The following CDH23 variants were observed in gnomAD, a reference collection of about 807,000 sequenced individuals.
CDH23 encodes the protein cadherin-23.
CDH23 carries 189 observed loss-of-function variants against 317.1 expected under a neutral mutation model. The ratio of observed to expected loss-of-function variants is 0.60; its 90% CI spans 0.53 to 0.67. The LOEUF (loss-of-function observed/expected upper bound fraction) is 0.67, where lower values mean the gene tolerates loss of function less well. CDH23 is among the 30% of genes least tolerant of loss of function. The probability of loss-of-function intolerance (pLI) is 0.00; values close to 1 mark genes in which losing one functional copy is unlikely to be tolerated. For synonymous variants in CDH23, 1,839 were observed against 1,876.8 expected (o/e 0.98, Z 0.52); for missense variants, 4,401 against 4,592.4 (o/e 0.96, Z 1.20).
chr10:71,517,648 G>A (rs945583907), intron 6 of CDH23, among the ~76,000 whole-genome samples: 1 of 152,198 alleles, frequency 6.6e-6, no homozygotes, highest in Non-Finnish European at 1.5e-5. Context: ...CATCTCCCAC[G>A]CCAGGAGAGG....
At chr10:71,694,369 A>G in intron 21 of CDH23, 110 bp downstream of exon 21, 1 of 833,898 alleles carries the variant, frequency 1.2e-6, no homozygotes, top group Non-Finnish European at 1.9e-6. Flanking sequence ...GCTTTGTGAG[A>G]ATGAGCAAGG....
At chr10:71,752,917 T>C in intron 38 of CDH23, 3 of 1,591,176 alleles carry the variant, frequency 1.9e-6, no homozygotes, top group Non-Finnish European at 2.6e-6. Flanking sequence ...CACAGAAGTA[T>C]CTCTTCCTGG....
intron 59 of CDH23, 34 bp from the exon 60 acceptor site, chr10:71,807,812 C>A (rs763656260): frequency 6.3e-7 from 1 of 1,589,666 alleles, no homozygotes; most frequent in Admixed American, 1.8e-5. Flanking sequence ...GTGGCCCCTG[C>A]CCTGCCACTT....
chr10:71,795,589 CT>C, intron 48 of CDH23: 1 of 159,830 alleles, frequency 6.3e-6, no homozygotes, highest in Non-Finnish European at 1.3e-5. Context: ...ACTTTGCTAC[CT>C]TTTCTTCTTG....
chr10:71,556,585 C>CAAAAA (rs61508146), intron 6 of CDH23, among the ~76,000 whole-genome samples: 4 of 121,800 alleles, frequency 3.3e-5, no homozygotes, highest in East Asian at 2.3e-4. Context: ...GACTCGGTCT[C>CAAAAA]AAAAAAAAAA....
Position 71,798,533 on chromosome 10 carries a change from G to T in CDH23, c.7009G>T (p.Asp2337Tyr), listed in dbSNP as rs1166512977. The T allele has an allele frequency of 1.3e-5, 21 of 1,613,634 alleles. No individual in the cohort carries two copies. Among genetic ancestry groups the T allele is most frequent in the Non-Finnish European group, 1.8e-5 (21 of 1,179,710 alleles). Residue 2337 changes from aspartate to tyrosine, a missense_variant, in exon 50 of 70, where the codon GAC (aspartate) becomes TAC (tyrosine). Asp to Tyr is a radical substitution (Grantham distance 160, BLOSUM62 -3). Transcript: ENST00000224721. ...TGGGCTGGTCACCTACACCCTGCTG[G>T]ACCTGGTGCCCCCAGGGTATGTCCA... ...LNGLVTYTLL[D>Y]LVPPGYVQLE...
chr10:71,550,559 C>CAAAAA (rs1222399834), intron 6 of CDH23, among the ~76,000 whole-genome samples: 5 of 45,610 alleles, frequency 1.1e-4, no homozygotes, highest in Admixed American at 4.5e-4. Context: ...GACCCTGTCT[C>CAAAAA]AAAAAAAAAA....
At chr10:71,803,631 G>A (rs952136304) in intron 55 of CDH23, among the ~76,000 whole-genome samples, 6 of 152,054 alleles carry the variant, frequency 3.9e-5, no homozygotes, top group Admixed American at 3.9e-4. Flanking sequence ...GTGCCACACA[G>A]GGCAGTATTG....
intron 38 of CDH23, among the ~76,000 whole-genome samples, chr10:71,743,432 G>A (rs1839785141): frequency 1.3e-5 from 2 of 152,306 alleles, no homozygotes; most frequent in South Asian, 2.1e-4. Context: ...AATAACTCCA[G>A]GAATTGGGAT....
chr10:71,738,781 C>A, intron 35 of CDH23, 134 bp downstream of exon 35: 1 of 1,168,706 alleles, frequency 8.6e-7, no homozygotes, highest in Non-Finnish European at 1.2e-6. Context: ...CTGCAATCAC[C>A]CAGTCTGTGG....
chr10:71,773,646 T>G, intron 38 of CDH23: 1 of 461,362 alleles, frequency 2.2e-6, no homozygotes, highest in Non-Finnish European at 3.8e-6. Context: ...TGGGAGGGGC[T>G]TCCCGGAGGC....
chr10:71,785,979 A>G (rs1841095734), intron 44 of CDH23, among the ~76,000 whole-genome samples: 1 of 152,238 alleles, frequency 6.6e-6, no homozygotes, highest in Non-Finnish European at 1.5e-5. Context: ...AAAGTTGTAG[A>G]AAGGATGAAG....
At chr10:71,728,476 C>T (rs1412980071) in intron 30 of CDH23, among the ~76,000 whole-genome samples, 1 of 152,166 alleles carries the variant, frequency 6.6e-6, no homozygotes, top group Non-Finnish European at 1.5e-5. Context: ...TCGGCTTCTA[C>T]CAGCCAGAAG....
Position 71,741,772 on chromosome 10 carries a change from T to A in CDH23, c.4696T>A (p.Tyr1566Asn). The A allele has an allele frequency of 1.2e-6, 2 of 1,612,784 alleles. No homozygotes were observed. The highest frequency in any genetic ancestry group is 1.7e-6 in the Non-Finnish European group (2 of 1,179,438). ...DIGINSVLSY[Y>N]ITEGNKDMAF... is the part of the protein sequence containing the mutation. ...CGGGATCAACAGTGTTCTGTCCTAC[T>A]ACATCACCGAGGGCAACAAGGACAT... Residue 1566 changes from tyrosine (Y) to asparagine (N), a missense_variant, in exon 38 of 70, where the codon TAC becomes AAC. This residue lies in a region of CDH23 where 3,068 missense variants were observed against 3,203.3 expected (regional missense o/e 0.96). Coordinates refer to ENST00000224721, the MANE Select transcript of CDH23 (RefSeq NM_022124.6).
At chr10:71,464,421 C>G (rs1269342607) in intron 3 of CDH23, among the ~76,000 whole-genome samples, 1 of 152,200 alleles carries the variant, frequency 6.6e-6, no homozygotes, top group African/African-American at 2.4e-5. Flanking sequence ...GGCAGCCTGT[C>G]TGTGTCTCCC....
chr10:71,798,994 A>T, intron 50 of CDH23, 117 bp from the exon 51 acceptor site: 1 of 963,346 alleles, frequency 1.0e-6, no homozygotes, highest in Non-Finnish European at 1.5e-6. Flanking sequence ...CTGCCTGACC[A>T]CCCTCCTTCA....
In CDH23 at chr10:71,807,844, A is replaced by G. The variant is rs1841783531; in HGVS notation, c.8561-2A>G. The G allele has an allele frequency of 6.3e-7, 1 of 1,599,572 alleles. No individual in the cohort carries two copies. The highest frequency in any genetic ancestry group is 1.7e-5 in the Admixed American group (1 of 57,708). ...ACTTACACCACCTGCCTCTTCCTGC[A>G]GGGGTGGCCACCGACGCCAAGGTGG... On this transcript the variant is annotated splice_acceptor_variant, in intron 59 of 69. Transcript: ENST00000224721. LOFTEE classifies it high-confidence loss of function.
intron 27 of CDH23, chr10:71,712,236 A>T (rs1865999460): frequency 6.1e-6 from 1 of 164,762 alleles, no homozygotes; most frequent in Admixed American, 5.7e-5. Context: ...CAGCTCACCC[A>T]GGATGATCAC....
chr10:71,571,597 GC>G (rs1857812814), intron 8 of CDH23, among the ~76,000 whole-genome samples: 1 of 152,238 alleles, frequency 6.6e-6, no homozygotes, highest in African/African-American at 2.4e-5. Context: ...TCAGCTGTGG[GC>G]CAGACGGGCA....
Sources: gnomAD v4.1 joint callset for allele counts (sites outside exome capture counted in the v4.1 genomes callset) on GRCh38, gnomAD v4.1.1 for gene constraint, gnomAD v4.1.1 regional missense constraint, MANE v1.5 for transcripts, NCBI Gene and HGNC (gene_info 2026-07-23, HGNC 2026-07-21) for gene names.